The following CADPS2 variants were observed in gnomAD, a reference collection of about 807,000 sequenced individuals.
CADPS2 encodes the protein calcium-dependent secretion activator 2.
A neutral mutation model predicts 172.5 loss-of-function variants in CADPS2; 93 were observed. The ratio of observed to expected loss-of-function variants is 0.54; its 90% CI spans 0.46 to 0.64. The LOEUF is 0.64. CADPS2 is among the 30% of genes least tolerant of loss of function. The pLI is 0.00. For missense variants in CADPS2, 1,420 were observed against 1,565.9 expected, an observed-to-expected ratio of 0.91 and a Z score of 1.57; for synonymous variants, 546 against 555.2, an observed-to-expected ratio of 0.98 and a Z score of 0.23.
chr7:122,657,349 G>A (rs937882387), intron 3 of CADPS2, among the ~76,000 whole-genome samples: 2 of 152,292 alleles, frequency 1.3e-5, no homozygotes, highest in Admixed American at 6.5e-5. Flanking sequence ...TGTGAAGAAA[G>A]TCATTGGTAG....
chr7:122,445,800 C>T (rs796331122), intron 15 of CADPS2, among the ~76,000 whole-genome samples: 27 of 152,132 alleles, frequency 1.8e-4, no homozygotes, highest in African/African-American at 6.3e-4. Flanking sequence ...TGAGACAGGG[C>T]GACAGAGTAA....
At chr7:122,753,718 C>T (rs1562939245) in intron 1 of CADPS2, among the ~76,000 whole-genome samples, 1 of 152,010 alleles carries the variant, frequency 6.6e-6, no homozygotes. Context: ...GCTATGGCTG[C>T]CAAAAATTAG....
intron 3 of CADPS2, among the ~76,000 whole-genome samples, chr7:122,649,330 C>T (rs534394181): frequency 4.1e-4 from 62 of 152,038 alleles, no homozygotes; most frequent in African/African-American, 1.4e-3. Flanking sequence ...ATTAAATGTC[C>T]AAGAAAGAAT....
intron 6 of CADPS2, among the ~76,000 whole-genome samples, chr7:122,600,813 C>T (rs1438206026): frequency 2.0e-5 from 3 of 151,936 alleles, no homozygotes. Flanking sequence ...TGGCCTTCAC[C>T]CAGAATCCAG....
At chr7:122,470,414 G>GTCAT (rs2055764346) in intron 14 of CADPS2, among the ~76,000 whole-genome samples, 1 of 152,018 alleles carries the variant, frequency 6.6e-6, no homozygotes, top group Non-Finnish European at 1.5e-5. Flanking sequence ...AAATAATGAA[G>GTCAT]TCATTCATTC....
chr7:122,640,645 T>C (rs1424958314), intron 3 of CADPS2, among the ~76,000 whole-genome samples: 1 of 151,928 alleles, frequency 6.6e-6, no homozygotes, highest in Non-Finnish European at 1.5e-5. Context: ...AAAAAAAATA[T>C]TGTTGGCTGG....
intron 3 of CADPS2, among the ~76,000 whole-genome samples, chr7:122,640,660 G>A (rs762808074): frequency 7.9e-5 from 12 of 152,080 alleles, no homozygotes; most frequent in Non-Finnish European, 1.2e-4. Flanking sequence ...GGCTGGGCGC[G>A]GTGGCTCACG....
At chr7:122,548,821 C>T (rs553058237) in intron 8 of CADPS2, among the ~76,000 whole-genome samples, 4 of 152,096 alleles carry the variant, frequency 2.6e-5, no homozygotes, top group African/African-American at 4.8e-5. Flanking sequence ...GTTCAAAGCC[C>T]TTATGTAATA....
intron 23 of CADPS2, 49 bp from the exon 24 acceptor site, chr7:122,387,222 C>T: frequency 6.5e-7 from 1 of 1,527,378 alleles, no homozygotes; most frequent in Non-Finnish European, 8.8e-7. Flanking sequence ...CTATACAGCT[C>T]ACCTGTTTTG....
intron 1 of CADPS2, among the ~76,000 whole-genome samples, chr7:122,866,668 T>C (rs1011156574): frequency 2.0e-5 from 3 of 152,212 alleles, no homozygotes; most frequent in Non-Finnish European, 2.9e-5. Context: ...GCCACTGCAC[T>C]ACAGCCTGGG....
rs374500771 is a variant in CADPS2, at chr7:122,393,446, A to G, written c.2883T>C (p.Pro961=). ...ACACTAGGTAAGATACCTACTTGACAGGCTGCCATGTCTCCTGCTCAAAAC... is the reference window on the plus strand; with the variant it reads ...ACACTAGGTAAGATACCTACTTGACGGGCTGCCATGTCTCCTGCTCAAAAC... ...HRGFEQETWQ[P]VKNIANSLPN... The change falls in exon 21 of 30, where the codon CCT becomes CCC. Residue 961 remains proline, a synonymous_variant. Coordinates refer to ENST00000449022, the MANE Select transcript of CADPS2 (RefSeq NM_017954.11). 122 of 1,613,770 alleles carry G rather than the reference A, an allele frequency of 7.6e-5. No homozygotes were observed. The highest frequency in any genetic ancestry group is 1.0e-4 in the Non-Finnish European group (119 of 1,179,838).
chr7:122,637,102 A>T (rs1294424431), intron 3 of CADPS2, among the ~76,000 whole-genome samples: 1 of 147,044 alleles, frequency 6.8e-6, no homozygotes, highest in Non-Finnish European at 1.5e-5. Context: ...CTTGTCTTTA[A>T]GCTCTGAAAT....
intron 1 of CADPS2, among the ~76,000 whole-genome samples, chr7:122,740,875 C>T (rs1259029308): frequency 3.3e-5 from 5 of 152,026 alleles, no homozygotes; most frequent in Non-Finnish European, 7.4e-5. Context: ...AGATAAAAGA[C>T]TTAATCCATG....
rs898305641 is a variant in CADPS2, at chr7:122,615,849, G to C, written c.1105-550C>G. On this transcript the variant is annotated intron_variant, in intron 5 of 29. Transcript: ENST00000449022. The stretch of plus-strand genomic sequence containing the variant: ...TTTATGGACTGTGTCTTATTAAATA[G>C]AAAATTATAATTTGTCACTGAACAT... Among the ~76,000 whole-genome samples the C allele has an allele frequency of 2.0e-5, 3 of 151,870 alleles. No homozygotes were observed. In the East Asian group the frequency reaches 5.8e-4, roughly 29 times the overall value.
At chr7:122,340,254 A>G (rs186826610) in intron 28 of CADPS2, among the ~76,000 whole-genome samples, 223 of 152,288 alleles carry the variant, frequency 1.5e-3, no homozygotes, top group African/African-American at 5.2e-3. Context: ...GTGGAGATGA[A>G]ACTCCTCCAC....
chr7:122,467,849 C>A (rs1226985387), intron 14 of CADPS2, among the ~76,000 whole-genome samples: 1 of 152,168 alleles, frequency 6.6e-6, no homozygotes, highest in Non-Finnish European at 1.5e-5. Context: ...TGTCAGTCCT[C>A]AGCGGCACTA....
chr7:122,529,631 A>C (rs2061584689), intron 8 of CADPS2, among the ~76,000 whole-genome samples: 1 of 152,114 alleles, frequency 6.6e-6, no homozygotes, highest in African/African-American at 2.4e-5. Context: ...ATGACTTTTA[A>C]ATATATTTTT....
chr7:122,389,228 A>T (rs945410557), intron 22 of CADPS2, among the ~76,000 whole-genome samples: 3 of 152,018 alleles, frequency 2.0e-5, no homozygotes, highest in African/African-American at 7.2e-5. Flanking sequence ...TCTCAATTAC[A>T]GGTAAAGATG....
chr7:122,651,765 A>C (rs982907218), intron 3 of CADPS2, among the ~76,000 whole-genome samples: 1 of 152,208 alleles, frequency 6.6e-6, no homozygotes, highest in African/African-American at 2.4e-5. Context: ...CTTTTGGCAG[A>C]AAAGAGCAGG....
Sources: allele counts gnomAD v4.1 joint callset (sites outside exome capture counted in the v4.1 genomes callset), GRCh38; gene constraint gnomAD v4.1.1; transcripts MANE v1.5; gene names NCBI Gene and HGNC (gene_info 2026-07-23, HGNC 2026-07-21).